OTOA: variants seen among roughly 807,000 people sequenced by gnomAD.
OTOA encodes the protein otoancorin, also known as cancer/testis antigen 108.
In OTOA, 70 loss-of-function variants were observed where a neutral mutation model predicts 110.8. That is an observed-to-expected ratio of 0.63 (90% confidence interval 0.52 to 0.77). The LOEUF (loss-of-function observed/expected upper bound fraction) is 0.77, where lower values mean the gene tolerates loss of function less well. Ranked by LOEUF, OTOA falls within the 30% of genes least tolerant of loss-of-function variation. The pLI is 0.00. For synonymous variants in OTOA, 373 were observed against 431.5 expected (o/e 0.86, Z 1.68); for missense variants, 917 against 1,075.8 (o/e 0.85, Z 2.06).
intron 13 of OTOA, 123 bp from the exon 14 acceptor site, chr16:21,714,861 TG>T: frequency 1.6e-6 from 2 of 1,272,728 alleles, no homozygotes; most frequent in Non-Finnish European, 2.2e-6. Flanking sequence ...AGCATCTGTC[TG>T]GCTCACTGCT....
At chr16:21,713,166 T>A (rs1898411815) in intron 13 of OTOA, among the ~76,000 whole-genome samples, 1 of 152,150 alleles carries the variant, frequency 6.6e-6, no homozygotes, top group African/African-American at 2.4e-5. Context: ...GATTTTGCAA[T>A]GTTGCCCAGG....
At chr16:21,714,332 C>CCT (rs1898461681) in intron 13 of OTOA, among the ~76,000 whole-genome samples, 1 of 127,636 alleles carries the variant, frequency 7.8e-6, no homozygotes, top group Non-Finnish European at 1.7e-5. Context: ...TTCCTTCCTT[C>CCT]CTTTCTTTCT....
At chr16:21,735,959 C>T (rs1467884047) in intron 21 of OTOA, among the ~76,000 whole-genome samples, 4 of 152,086 alleles carry the variant, frequency 2.6e-5, no homozygotes, top group African/African-American at 4.8e-5. Context: ...GACAGTCCCA[C>T]GGAAAAATGA....
At chr16:21,707,655 T>TTCTTTCTTTCTC (rs1391942283) in intron 12 of OTOA, among the ~76,000 whole-genome samples, 6 of 100,372 alleles carry the variant, frequency 6.0e-5, no homozygotes, top group South Asian at 3.2e-4. Context: ...CTTTCTTTCT[T>TTCTTTCTTTCTC]TCTCTTTCTT....
Position 21,687,620 on chromosome 16 carries a change from G to A in OTOA, c.607G>A (p.Asp203Asn). 6.2e-7 allele frequency: 1 copy of A among 1,613,494 alleles called. No individual in the cohort carries two copies. The highest frequency in any genetic ancestry group is 8.5e-7 in the Non-Finnish European group (1 of 1,179,904). The change falls in exon 8 of 29, where the codon GAC (aspartate) becomes AAC (asparagine). Residue 203 changes from aspartate to asparagine, a missense_variant. Physicochemically the swap from Asp to Asn is conservative, Grantham distance 23 (BLOSUM62 1). Transcript: ENST00000646100. ...QPDITERLPRDLREDAFKNLS... is the reference protein window; with the variant it reads ...QPDITERLPRNLREDAFKNLS... ...AGACATCACAGAGCGGCTCCCTCGG[G>A]ACCTGCGCGAGGATGCCTTTAAGAA...
intron 12 of OTOA, chr16:21,705,539 G>A: frequency 1.8e-6 from 1 of 549,046 alleles, no homozygotes; most frequent in Non-Finnish European, 3.2e-6. Context: ...GCCAGGCGCG[G>A]TGGCTCATGC....
chr16:21,704,657 A>G (rs1898118868), intron 11 of OTOA, among the ~76,000 whole-genome samples: 1 of 152,086 alleles, frequency 6.6e-6, no homozygotes, highest in Non-Finnish European at 1.5e-5. Context: ...TATGGAACCA[A>G]ACTGGGTCTG....
chr16:21,722,860 C>T, intron 17 of OTOA, 45 bp from the exon 18 acceptor site: 1 of 1,551,642 alleles, frequency 6.4e-7, no homozygotes, highest in Non-Finnish European at 8.9e-7. Flanking sequence ...TGTGTTTGTT[C>T]TTCTTCTTAC....
At chr16:21,665,028 G>A (rs1197995326) in intron 1 of OTOA, among the ~76,000 whole-genome samples, 2 of 150,818 alleles carry the variant, frequency 1.3e-5, no homozygotes, top group Non-Finnish European at 2.9e-5. Context: ...AAATAAAGTT[G>A]ATAGTTTTTT....
Position 21,681,837 on chromosome 16 carries a change from A to G in OTOA, c.267+12A>G, listed in dbSNP as rs747774114. The G allele has an allele frequency of 2.5e-6, 4 of 1,607,458 alleles. No individual in the cohort carries two copies. The East Asian group carries it at 8.9e-5, about 36-fold the overall frequency. ...TCCCCAGCCTGCAGGTGTGTACCTG[A>G]GACCCATCTATATGTTCCCATCTCA... is the stretch of plus-strand genomic sequence containing the variant. On this transcript the variant is annotated intron_variant, in intron 6 of 28. Coordinates refer to ENST00000646100, the MANE Select transcript of OTOA (RefSeq NM_144672.4).
intron 13 of OTOA, among the ~76,000 whole-genome samples, chr16:21,711,162 G>T (rs74557138): frequency 6.6e-5 from 10 of 152,300 alleles, no homozygotes; most frequent in African/African-American, 2.4e-4. Context: ...TGGGATCAAC[G>T]TGTGGGACTC....
At chr16:21,696,039 C>T (rs1425764659) in intron 9 of OTOA, among the ~76,000 whole-genome samples, 6 of 150,800 alleles carry the variant, frequency 4.0e-5, no homozygotes, top group Admixed American at 2.0e-4. Context: ...GGACTACAGG[C>T]GTGCGCTACC....
chr16:21,717,715 C>T (rs1202882151), intron 15 of OTOA, among the ~76,000 whole-genome samples: 1 of 152,102 alleles, frequency 6.6e-6, no homozygotes, highest in Non-Finnish European at 1.5e-5. Context: ...TCGTTGACTA[C>T]CTTTGTATTC....
rs1897915385 is a variant in OTOA, at chr16:21,695,555, G to A, written c.740-2220G>A. Among the ~76,000 whole-genome samples, 4 of 151,932 alleles carry A rather than the reference G, an allele frequency of 2.6e-5. 1 individual carries two copies. Among genetic ancestry groups the A allele is most frequent in the South Asian group, 4.1e-4 (2 of 4,824 alleles). On this transcript the variant is annotated intron_variant, in intron 9 of 28. Transcript: ENST00000646100. Reference sequence around the variant, plus strand: ...GTCCAGGGTCCCCATCTAGAGGATCGTAGGAGTCTGCCTGTGTCACCCCAA... The same window carrying A: ...GTCCAGGGTCCCCATCTAGAGGATCATAGGAGTCTGCCTGTGTCACCCCAA...
chr16:21,672,336 A>G (rs1256786151), intron 1 of OTOA, among the ~76,000 whole-genome samples: 2 of 152,068 alleles, frequency 1.3e-5, no homozygotes, highest in Non-Finnish European at 2.9e-5. Context: ...AAAAATTGAC[A>G]TATACGCCGG....
intron 13 of OTOA, among the ~76,000 whole-genome samples, chr16:21,712,742 G>A (rs1898397763): frequency 6.6e-6 from 1 of 151,882 alleles, no homozygotes; most frequent in South Asian, 2.1e-4. Context: ...CTACTCGGGA[G>A]GCTGAGGCAG....
intron 1 of OTOA, among the ~76,000 whole-genome samples, chr16:21,671,939 T>C (rs925987689): frequency 1.3e-5 from 2 of 152,074 alleles, no homozygotes; most frequent in Non-Finnish European, 1.5e-5. Context: ...TGAGACCAGC[T>C]TGGGCACTAT....
intron 1 of OTOA, among the ~76,000 whole-genome samples, chr16:21,675,063 GTCTTTCTTTCTTTCTT>G (rs199797416): frequency 0.037 from 4,569 of 123,224 alleles, 107 homozygotes; most frequent in Admixed American, 0.076. Flanking sequence ...TTTTCTTTCT[GTCTTTCTTTCTTTCTT>G]TCTTTCTTTC....
chr16:21,677,604 C>A (rs1434201764), intron 1 of OTOA, among the ~76,000 whole-genome samples: 5 of 150,994 alleles, frequency 3.3e-5, no homozygotes, highest in Non-Finnish European at 7.4e-5. Flanking sequence ...TCCTCAGCCT[C>A]CTGAGTAGCT....
Sources: allele counts gnomAD v4.1 joint callset (sites outside exome capture counted in the v4.1 genomes callset), GRCh38; gene constraint gnomAD v4.1.1; transcripts MANE v1.5; gene names NCBI Gene and HGNC (gene_info 2026-07-23, HGNC 2026-07-21).